The following INTS2 variants were observed in gnomAD, a reference collection of about 807,000 sequenced individuals.
INTS2 encodes the protein KIAA1287.
INTS2 carries 57 observed loss-of-function variants against 139.6 expected under a neutral mutation model. The ratio of observed to expected loss-of-function variants is 0.41; its 90% confidence interval spans 0.33 to 0.51. INTS2 has a LOEUF of 0.51. Ranked by LOEUF, INTS2 falls within the 20% of genes least tolerant of loss-of-function variation. The pLI is 0.28. For synonymous variants in INTS2, 473 were observed against 493.4 expected (o/e 0.96, Z 0.55); for missense variants, 1,196 against 1,436.7 (o/e 0.83, Z 2.71).
At chr17:61,886,573 A>C (rs992368245) in intron 15 of INTS2, among the ~76,000 whole-genome samples, 3 of 152,256 alleles carry the variant, frequency 2.0e-5, no homozygotes, top group African/African-American at 7.2e-5. Flanking sequence ...CATCTTATTT[A>C]AATAGAGATT....
At chr17:61,890,932 C>T (rs143594080) in intron 14 of INTS2, among the ~76,000 whole-genome samples, 4,131 of 137,120 alleles carry the variant, frequency 0.03, 84 homozygotes, top group Non-Finnish European at 0.041. Context: ...TGTAGTGAGC[C>T]GAGACTGCCC....
Position 61,922,991 on chromosome 17 carries a change from C to T in INTS2, c.433-1164G>A, listed in dbSNP as rs948385358. 3.3e-5 allele frequency among the ~76,000 whole-genome samples: 5 copies of T among 150,440 alleles called. No individual in the cohort carries two copies. In the East Asian group the frequency reaches 8.0e-4, roughly 24 times the overall value. Reference sequence around the variant, plus strand: ...ACTCAGGAGGCTGAGGCAGGAGAATCGCTTTAACCCAGGAGGCAAAGGTTG... The same window carrying T: ...ACTCAGGAGGCTGAGGCAGGAGAATTGCTTTAACCCAGGAGGCAAAGGTTG... On this transcript the variant is annotated intron_variant, in intron 3 of 24. Coordinates refer to ENST00000251334, the MANE Select transcript of INTS2 (RefSeq NM_001351695.2).
At chr17:61,886,576 T>C (rs2079230928) in intron 15 of INTS2, among the ~76,000 whole-genome samples, 1 of 152,244 alleles carries the variant, frequency 6.6e-6, no homozygotes, top group Admixed American at 6.5e-5. Flanking sequence ...CTTATTTAAA[T>C]AGAGATTTGG....
chr17:61,905,412 T>C (rs2079451160), intron 8 of INTS2, among the ~76,000 whole-genome samples: 12 of 152,164 alleles, frequency 7.9e-5, no homozygotes, highest in Admixed American at 7.2e-4. Flanking sequence ...CTGCAAACTC[T>C]ACCTCCTAAG....
chr17:61,873,738 G>T lies in INTS2; in HGVS notation c.2582+1175C>A, dbSNP rs918820278. ...GTCACTTCGAGAATGTCATCCCTTG[G>T]TTGATGACAGACAAGTTTAAATATC... On this transcript the variant is annotated intron_variant, in intron 19 of 24. Transcript: ENST00000251334. The surrounding 1 kb of genome is among the most constrained non-coding windows in gnomAD (Gnocchi z 4.0). Among the ~76,000 whole-genome samples the T allele has an allele frequency of 3.9e-5, 6 of 152,000 alleles. No homozygotes were observed. Among genetic ancestry groups the T allele is most frequent in the African/African-American group, 1.5e-4 (6 of 41,372 alleles).
chr17:61,919,213 G>A lies in INTS2; in HGVS notation c.649+187C>T, dbSNP rs554217140. ...GCTGGGATTACAGGTGTGAGCCACT[G>A]CGCCCAGCCTGATCTTTAAACTCAA... On this transcript the variant is annotated intron_variant, in intron 5 of 24. Coordinates refer to ENST00000251334, the MANE Select transcript of INTS2 (RefSeq NM_001351695.2). Among the ~76,000 whole-genome samples the A allele has an allele frequency of 3.3e-5, 5 of 151,962 alleles. No homozygotes were observed. The East Asian group carries it at 9.7e-4, about 30-fold the overall frequency.
intron 1 of INTS2, chr17:61,927,084 A>G (rs1390409402): frequency 4.9e-5 from 10 of 205,676 alleles, no homozygotes; most frequent in Admixed American, 2.2e-4. Context: ...GTGAATGGTC[A>G]TAGTTAAGTG....
At chr17:61,879,045 A>G (rs2079153358) in intron 17 of INTS2, among the ~76,000 whole-genome samples, 1 of 112,968 alleles carries the variant, frequency 8.9e-6, no homozygotes, top group Non-Finnish European at 1.8e-5. Context: ...TAGAGATGGG[A>G]GTCTTGCTAT....
In INTS2 at chr17:61,927,735, C is replaced by G; in HGVS notation, c.-100G>C. 6.8e-7 allele frequency: 1 copy of G among 1,468,570 alleles called. No individual in the cohort carries two copies. Among genetic ancestry groups the G allele is most frequent in the South Asian group, 1.4e-5 (1 of 71,846 alleles). The allele number at this position is 1,468,570 out of a possible 1,614,324, so 91.0% of individuals were successfully genotyped here. A position where few individuals can be genotyped will look rare whatever the true frequency, so the allele number is the denominator to read the frequency against. ...CGGGACGCGGCAGAAATCGAGAGCG[C>G]GGTCCGATGTTGGGCCTAGGCGATA... On this transcript the variant is annotated 5_prime_UTR_variant, in exon 1 of 25. Coordinates refer to ENST00000251334, the MANE Select transcript of INTS2 (RefSeq NM_001351695.2).
intron 9 of INTS2, among the ~76,000 whole-genome samples, chr17:61,901,344 T>C (rs369004944): frequency 2.7e-5 from 4 of 150,614 alleles, no homozygotes; most frequent in South Asian, 2.1e-4. Flanking sequence ...ACTTTAAAAA[T>C]AGAGACCCAA....
chr17:61,909,939 G>C lies in INTS2; in HGVS notation c.954+1581C>G, dbSNP rs145610047. Among the ~76,000 whole-genome samples the C allele has an allele frequency of 6.6e-6, 1 of 152,052 alleles. No individual in the cohort carries two copies. Among genetic ancestry groups the C allele is most frequent in the African/African-American group, 2.4e-5 (1 of 41,478 alleles). On this transcript the variant is annotated intron_variant, in intron 7 of 24. Transcript: ENST00000251334. The surrounding 1 kb of genome is among the most constrained non-coding windows in gnomAD (Gnocchi z 4.9). ...TTCCATAACATTGCTACTGTGAATA[G>C]TGCTGAAATAAACATACAAGTGTAG...
chr17:61,880,859 C>T (rs913468433), intron 17 of INTS2, 148 bp downstream of exon 17: 3 of 583,048 alleles, frequency 5.1e-6, no homozygotes, highest in Non-Finnish European at 5.8e-6. Context: ...ATTCCTTAAA[C>T]GCAAAGAGTA....
chr17:61,872,270 C>T lies in INTS2; in HGVS notation c.2773G>A (p.Ala925Thr), dbSNP rs1329815253. 38 of 1,605,484 alleles carry T rather than the reference C, an allele frequency of 2.4e-5. No homozygotes were observed. The highest frequency in any genetic ancestry group is 4.5e-5 in the East Asian group (2 of 44,836). ...TTTACTTTAGCAAAATTTACCTGAG[C>T]GGCCAGTAATGCATTTTTCAATTCT... ...REELKNALLA[A>T]QDSAAVQILL... Residue 925 changes from alanine to threonine, a missense_variant, in exon 20 of 25, where the codon GCT (alanine) becomes ACT (threonine). This residue lies in a region of INTS2 where 1,129 missense variants were observed against 1,341.9 expected (regional missense o/e 0.84). Coordinates refer to ENST00000251334, the MANE Select transcript of INTS2 (RefSeq NM_001351695.2). The surrounding 1 kb of genome is among the most constrained non-coding windows in gnomAD (Gnocchi z 4.8).
chr17:61,927,204 T>C (rs746130896), intron 1 of INTS2: 2 of 169,240 alleles, frequency 1.2e-5, no homozygotes, highest in Non-Finnish European at 2.6e-5. Flanking sequence ...AGCAAATCAC[T>C]GGGCAGAACC....
intron 4 of INTS2, chr17:61,921,203 A>T (rs2079637503): frequency 1.3e-5 from 2 of 152,206 alleles, no homozygotes. Context: ...CAAAGTTAAT[A>T]AAAAATGTTT....
chr17:61,900,366 GAGA>G (rs1348528690), intron 9 of INTS2, among the ~76,000 whole-genome samples: 1 of 152,210 alleles, frequency 6.6e-6, no homozygotes, highest in African/African-American at 2.4e-5. Context: ...CCTCAGCAGA[GAGA>G]AGACTGGAGA....
rs2143082678 is a variant in INTS2, at chr17:61,907,508, G to A, written c.1081C>T (p.Pro361Ser). The A allele has an allele frequency of 6.2e-7, 1 of 1,601,610 alleles. No individual in the cohort carries two copies. Among genetic ancestry groups the A allele is most frequent in the Non-Finnish European group, 8.5e-7 (1 of 1,174,210 alleles). Residue 361 changes from proline to serine, a missense_variant, in exon 8 of 25, where the codon CCC becomes TCC. By Grantham distance (74) the Pro-to-Ser change is moderately conservative. Transcript: ENST00000251334. ...AGCCCCGAATACACAGACACATTGG[G>A]CTCCATATCCACATCAGCTTCTTCC... ...IVEEADVDME[P>S]NVSVYSGLKE...
intron 15 of INTS2, among the ~76,000 whole-genome samples, chr17:61,886,006 G>C (rs573834473): frequency 1.3e-5 from 2 of 151,920 alleles, no homozygotes; most frequent in East Asian, 1.9e-4. Flanking sequence ...GGGATTACAG[G>C]CATGAGCCAC....
chr17:61,927,825 A>C lies in INTS2; in HGVS notation c.-190T>G. On this transcript the variant is annotated 5_prime_UTR_variant, in exon 1 of 25. Coordinates refer to ENST00000251334, the MANE Select transcript of INTS2 (RefSeq NM_001351695.2). ...GGACACCAAGAACTCAGACGCCGGGACCAACCGGGTTGTCGATACAAAGTG... is the reference window on the plus strand; with the variant it reads ...GGACACCAAGAACTCAGACGCCGGGCCCAACCGGGTTGTCGATACAAAGTG... 6.2e-7 allele frequency: 1 copy of C among 1,612,464 alleles called. No homozygotes were observed. The highest frequency in any genetic ancestry group is 1.1e-5 in the South Asian group (1 of 90,980).
Sources: allele counts gnomAD v4.1 joint callset (sites outside exome capture counted in the v4.1 genomes callset), GRCh38; gene constraint gnomAD v4.1.1; regional missense constraint gnomAD v4.1.1; non-coding constraint Gnocchi (gnomAD v3.1); transcripts MANE v1.5; gene names NCBI Gene and HGNC (gene_info 2026-07-23, HGNC 2026-07-21).